KCNIP1: variants seen among roughly 807,000 people sequenced by gnomAD.
The protein encoded by KCNIP1 is potassium voltage-gated channel interacting protein 1.
KCNIP1 carries 18 observed loss-of-function variants against 33.0 expected under a neutral mutation model. The observed-to-expected ratio is 0.55, with a 90% CI of 0.38 to 0.81. KCNIP1 has a LOEUF of 0.81. Ranked by LOEUF, KCNIP1 falls within the 30% of genes least tolerant of loss-of-function variation. The probability of loss-of-function intolerance (pLI) is 0.00; values close to 1 mark genes in which losing one functional copy is unlikely to be tolerated. For synonymous variants in KCNIP1, 93 were observed against 98.3 expected (o/e 0.95, Z 0.32); for missense variants, 238 against 271.6 (o/e 0.88, Z 0.87).
At chr5:170,378,343 C>T (rs950308198) in intron 1 of KCNIP1, 11 of 201,190 alleles carry the variant, frequency 5.5e-5, no homozygotes, top group African/African-American at 9.2e-5. Flanking sequence ...GGATGGGTAC[C>T]GCTTTGAGAC....
chr5:170,671,879 T>C (rs965765720), intron 1 of KCNIP1, among the ~76,000 whole-genome samples: 5 of 152,324 alleles, frequency 3.3e-5, no homozygotes, highest in East Asian at 3.9e-4. Context: ...AAAGCTTAGA[T>C]GGTAAACTAC....
intron 1 of KCNIP1, among the ~76,000 whole-genome samples, chr5:170,361,592 C>A (rs1316184723): frequency 6.6e-6 from 1 of 152,160 alleles, no homozygotes; most frequent in African/African-American, 2.4e-5. Context: ...GGCTGCTTAT[C>A]AACCTGATGG....
chr5:170,461,253 T>A lies in KCNIP1; in HGVS notation c.88+107289T>A, dbSNP rs558617951. Among the ~76,000 whole-genome samples, 32 of 152,252 alleles carry A rather than the reference T, an allele frequency of 2.1e-4. 1 individual carries two copies. The South Asian group carries it at 4.1e-3, about 20-fold the overall frequency. On this transcript the variant is annotated intron_variant, in intron 1 of 7. Coordinates refer to the KCNIP1 transcript ENST00000377360. ...ATACTACCAAAAGCAATCTACAAAT[T>A]CAGTGCAATTCCATCAAAATACTAC...
intron 1 of KCNIP1, among the ~76,000 whole-genome samples, chr5:170,365,505 C>A (rs1421494915): frequency 6.6e-6 from 1 of 152,144 alleles, no homozygotes; most frequent in Non-Finnish European, 1.5e-5. Flanking sequence ...TTTGTTCTTG[C>A]CATGGAGAGA....
intron 1 of KCNIP1, among the ~76,000 whole-genome samples, chr5:170,548,417 AT>A (rs1756492877): frequency 1.3e-5 from 2 of 152,330 alleles, no homozygotes; most frequent in African/African-American, 4.8e-5. Context: ...ATCCTTGATA[AT>A]TATTAGAGGA....
At chr5:170,405,049 A>AT (rs894712428) in intron 1 of KCNIP1, among the ~76,000 whole-genome samples, 50 of 152,352 alleles carry the variant, frequency 3.3e-4, no homozygotes, top group African/African-American at 1.2e-3. Flanking sequence ...TTTCCTTGGG[A>AT]TAGACTCCCA....
At chr5:170,625,396 G>A (rs1460932556) in intron 1 of KCNIP1, among the ~76,000 whole-genome samples, 1 of 152,166 alleles carries the variant, frequency 6.6e-6, no homozygotes, top group Non-Finnish European at 1.5e-5. Context: ...CACGTCTGCA[G>A]CTCAGGACCC....
chr5:170,588,558 G>C (rs575948252), intron 1 of KCNIP1, among the ~76,000 whole-genome samples: 3 of 152,208 alleles, frequency 2.0e-5, no homozygotes, highest in Non-Finnish European at 4.4e-5. Context: ...TTGGAATCAG[G>C]AGAAAGGCAG....
At chr5:170,394,976 ACTGTCTTTATCTAAT>A (rs1411768559) in intron 1 of KCNIP1, among the ~76,000 whole-genome samples, 1 of 152,164 alleles carries the variant, frequency 6.6e-6, no homozygotes, top group Non-Finnish European at 1.5e-5. Flanking sequence ...TACGTAGCAC[ACTGTCTTTATCTAAT>A]CTGCTGTTGT....
intron 1 of KCNIP1, among the ~76,000 whole-genome samples, chr5:170,611,610 T>C (rs1392030278): frequency 2.0e-5 from 3 of 152,180 alleles, no homozygotes; most frequent in Admixed American, 1.3e-4. Context: ...CTGGAGTCCA[T>C]AGCCTTGGCT....
Position 170,611,867 on chromosome 5 carries a change from T to C in KCNIP1, c.62-106891T>C, listed in dbSNP as rs370711712. Reference sequence around the variant, plus strand: ...ACTGAATGACAGTCTACCACACCTATTGTGCAAAGTGCTGGAAGGGAGGAT... The same window carrying C: ...ACTGAATGACAGTCTACCACACCTACTGTGCAAAGTGCTGGAAGGGAGGAT... On this transcript the variant is annotated intron_variant, in intron 1 of 7. Transcript: ENST00000328939. Among the ~76,000 whole-genome samples, 70 of 152,282 alleles carry C rather than the reference T, an allele frequency of 4.6e-4. 2 individuals are homozygous for C. The South Asian group carries it at 0.014, about 31-fold the overall frequency.
chr5:170,500,440 T>C (rs1032904877), upstream of KCNIP1, among the ~76,000 whole-genome samples: 3 of 152,190 alleles, frequency 2.0e-5, no homozygotes, highest in Admixed American at 2.0e-4. Flanking sequence ...TGGATGGGGC[T>C]GGCAAGGTCG....
chr5:170,728,124 T>A (rs535052621), intron 5 of KCNIP1, among the ~76,000 whole-genome samples: 2 of 152,288 alleles, frequency 1.3e-5, no homozygotes, highest in South Asian at 4.1e-4. Flanking sequence ...TTCATAATAA[T>A]TTTCAGGATT....
At chr5:170,603,771 G>C (rs573562082) in intron 1 of KCNIP1, among the ~76,000 whole-genome samples, 1 of 152,340 alleles carries the variant, frequency 6.6e-6, no homozygotes, top group South Asian at 2.1e-4. Context: ...CCCAGCTGAG[G>C]CTGAGGACAC....
chr5:170,486,076 A>AT (rs1463853149), intron 1 of KCNIP1: 1 of 149,152 alleles, frequency 6.7e-6, no homozygotes, highest in African/African-American at 2.5e-5. Flanking sequence ...TTTTTCTTTC[A>AT]TTTTTTCCCC....
At chr5:170,722,183 G>A (rs1763848001) in intron 4 of KCNIP1, among the ~76,000 whole-genome samples, 1 of 152,132 alleles carries the variant, frequency 6.6e-6, no homozygotes, top group East Asian at 1.9e-4. Flanking sequence ...GGCTTTGTAT[G>A]TATTAATTCA....
chr5:170,463,231 G>A (rs1269032256), intron 1 of KCNIP1, among the ~76,000 whole-genome samples: 1 of 152,170 alleles, frequency 6.6e-6, no homozygotes, highest in African/African-American at 2.4e-5. Flanking sequence ...CTTCACTGGT[G>A]AATTATACAG....
intron 1 of KCNIP1, among the ~76,000 whole-genome samples, chr5:170,479,138 T>G (rs1243031502): frequency 6.6e-6 from 1 of 152,258 alleles, no homozygotes; most frequent in African/African-American, 2.4e-5. Context: ...TGTCACTAGC[T>G]GGAGGCGCTG....
intron 1 of KCNIP1, among the ~76,000 whole-genome samples, chr5:170,536,930 CAA>C (rs2113366210): frequency 6.6e-6 from 1 of 152,320 alleles, no homozygotes; most frequent in South Asian, 2.1e-4. Flanking sequence ...AGTGGAGAGT[CAA>C]ACATGGGTAG....
Sources: gnomAD v4.1 joint callset for allele counts (sites outside exome capture counted in the v4.1 genomes callset) on GRCh38, gnomAD v4.1.1 for gene constraint, MANE v1.5 for transcripts, NCBI Gene and HGNC (gene_info 2026-07-23, HGNC 2026-07-21) for gene names.